Variants in CABP7 observed in about 807,000 individuals in gnomAD.
CABP7 encodes calcium-binding protein 7.
Under a neutral mutation model 23.1 loss-of-function variants are expected in CABP7, and 13 were observed. The ratio of observed to expected loss-of-function variants is 0.56; its 90% CI spans 0.37 to 0.90. The LOEUF is 0.90. Among genes scored for constraint, CABP7 ranks in the 40% least tolerant of loss-of-function variants. The probability of loss-of-function intolerance (pLI) is 0.01; values close to 1 mark genes in which losing one functional copy is unlikely to be tolerated. For synonymous variants in CABP7, 123 were observed against 115.3 expected, an observed-to-expected ratio of 1.07 and a Z score of -0.43; for missense variants, 248 against 295.6, an observed-to-expected ratio of 0.84 and a Z score of 1.18.
intron 1 of CABP7, among the ~76,000 whole-genome samples, chr22:29,721,874 C>T (rs988962319): frequency 4.0e-5 from 6 of 151,806 alleles, no homozygotes; most frequent in Non-Finnish European, 8.8e-5. Context: ...ATGATTGGGG[C>T]CCCCCGACAT....
At chr22:29,728,813 T>C in intron 3 of CABP7, 71 bp downstream of exon 3, 1 of 1,217,884 alleles carries the variant, frequency 8.2e-7, no homozygotes, top group South Asian at 1.2e-5. Context: ...AGTGAATGGC[T>C]GGGCCCACAC....
chr22:29,729,653 C>CCAGGGAGCCGGCCAA lies in CABP7; in HGVS notation c.*84_*85insCAGGGAGCCGGCCAA. The CCAGGGAGCCGGCCAA allele has an allele frequency of 6.5e-7, 1 of 1,545,932 alleles. No individual in the cohort carries two copies. Among genetic ancestry groups the CCAGGGAGCCGGCCAA allele is most frequent in the Non-Finnish European group, 8.7e-7 (1 of 1,145,026 alleles). Reference sequence around the variant, plus strand: ...GCCGCCTGCAGACCTCTCCCTTGGCCGGCTCCCTGGGCCGCCATCTGCGTG... The same window carrying CCAGGGAGCCGGCCAA: ...GCCGCCTGCAGACCTCTCCCTTGGCCCAGGGAGCCGGCCAAGGCTCCCTGGGCCGCCATCTGCGTG... On this transcript the variant is annotated 3_prime_UTR_variant, in exon 5 of 5. Transcript: ENST00000216144.
intron 3 of CABP7, 64 bp downstream of exon 3, chr22:29,728,806 G>C (rs2067814578): frequency 7.2e-6 from 9 of 1,243,202 alleles, no homozygotes; most frequent in African/African-American, 1.5e-5. Context: ...TGGAGCCAGT[G>C]AATGGCTGGG....
chr22:29,722,829 C>G (rs1256039184), intron 1 of CABP7, among the ~76,000 whole-genome samples: 1 of 152,216 alleles, frequency 6.6e-6, no homozygotes, highest in South Asian at 2.1e-4. Flanking sequence ...CTGGGCAGCC[C>G]GGGATGGAAT....
intron 3 of CABP7, 128 bp from the exon 4 acceptor site, chr22:29,728,927 G>A: frequency 7.8e-7 from 1 of 1,283,588 alleles, no homozygotes. Context: ...AGGACTCTCT[G>A]GGGGAATGGA....
In CABP7 at chr22:29,729,672, C is replaced by CT; in HGVS notation, c.*104dup. 1 of 1,447,332 alleles carries CT rather than the reference C, an allele frequency of 6.9e-7. No individual in the cohort carries two copies. Among genetic ancestry groups the CT allele is most frequent in the South Asian group, 1.2e-5 (1 of 80,070 alleles). 89.7% of individuals were successfully genotyped at this position (1,447,332 alleles called of 1,614,324 possible). A position where few individuals can be genotyped will look rare whatever the true frequency, so the allele number is the denominator to read the frequency against. ...CTTGGCCGGCTCCCTGGGCCGCCATCTGCGTGTACTTCAGGGCCTGGGTAT... is the reference window on the plus strand; with the variant it reads ...CTTGGCCGGCTCCCTGGGCCGCCATCTTGCGTGTACTTCAGGGCCTGGGTAT... On this transcript the variant is annotated 3_prime_UTR_variant, in exon 5 of 5. Transcript: ENST00000216144.
rs576053630 is a variant in CABP7 at position 29,727,375 on chromosome 22, G to A, written c.110-287G>A. On this transcript the variant is annotated intron_variant, in intron 1 of 4. Coordinates refer to ENST00000216144, the MANE Select transcript of CABP7 (RefSeq NM_182527.3). The surrounding 1 kb of genome is among the most constrained non-coding windows in gnomAD (Gnocchi z 4.2). ...CACGTGGTCCCCACCACACGGGGTC[G>A]TTGTGAGCACACCAGGAGAGGCTGT... 9.8e-5 allele frequency among the ~76,000 whole-genome samples: 15 copies of A among 152,350 alleles called. No individual in the cohort carries two copies. The highest frequency in any genetic ancestry group is 1.6e-4 in the Non-Finnish European group (11 of 68,036).
chr22:29,724,635 G>A (rs918073651), intron 1 of CABP7, among the ~76,000 whole-genome samples: 2 of 152,176 alleles, frequency 1.3e-5, no homozygotes, highest in Admixed American at 1.3e-4. Flanking sequence ...GTGGGAGTCG[G>A]CTGGGGCAGG....
rs762182323 is a variant in CABP7, at chr22:29,731,262, C to T, written c.*1693C>T. On this transcript the variant is annotated 3_prime_UTR_variant, in exon 5 of 5. Coordinates refer to ENST00000216144, the MANE Select transcript of CABP7 (RefSeq NM_182527.3). ...GACTCTGGGCTGCAGAGGCCACCCC[C>T]CAGGTGGGGGTGCCCGCAGGGATGG... is the stretch of plus-strand genomic sequence containing the variant. 1.3e-6 allele frequency: 2 copies of T among 1,518,176 alleles called. No homozygotes were observed. Among genetic ancestry groups the T allele is most frequent in the Non-Finnish European group, 1.7e-6 (2 of 1,146,672 alleles). 94.0% of individuals were successfully genotyped at this position (1,518,176 alleles called of 1,614,324 possible).
chr22:29,722,570 CAAG>C (rs1266237038), intron 1 of CABP7, among the ~76,000 whole-genome samples: 1 of 152,252 alleles, frequency 6.6e-6, no homozygotes, highest in Non-Finnish European at 1.5e-5. Flanking sequence ...CAGATGAAGG[CAAG>C]AAGTTTTCCA....
Position 29,727,608 on chromosome 22 carries a change from G to A in CABP7, c.110-54G>A. 13 of 1,608,282 alleles carry A rather than the reference G, an allele frequency of 8.1e-6. No individual in the cohort carries two copies. Among genetic ancestry groups the A allele is most frequent in the South Asian group, 2.2e-5 (2 of 90,774 alleles). On this transcript the variant is annotated intron_variant, in intron 1 of 4. Transcript: ENST00000216144. This position sits in a 1 kb window ranked among gnomAD's most constrained non-coding sequence, Gnocchi z 4.2. ...GTCGGTGATCCTGGGGGTCTGGAAA[G>A]GGGGTCTGTTGGGGACCGGGGTGAA...
At position 29,726,137 on chromosome 22, in the gene CABP7, G is replaced by C. The variant is rs117129986; in HGVS notation, c.110-1525G>C. Among the ~76,000 whole-genome samples, 5 of 152,234 alleles carry C rather than the reference G, an allele frequency of 3.3e-5. No individual in the cohort carries two copies. The South Asian group carries it at 1.0e-3, about 32-fold the overall frequency. On this transcript the variant is annotated intron_variant, in intron 1 of 4. Transcript: ENST00000216144. ...GCCCCGGGGCCATTGGTTAGGAGAC[G>C]AGATTCCCAGGTCCTGGTGGGATGA...
In CABP7 at chr22:29,720,190, C is replaced by A. The variant is rs2067748640; in HGVS notation, c.-235C>A. 6.8e-6 allele frequency: 1 copy of A among 146,604 alleles called. No homozygotes were observed. The highest frequency in any genetic ancestry group is 2.5e-5 in the African/African-American group (1 of 40,802). 9.1% of individuals were successfully genotyped at this position (146,604 alleles called of 1,614,324 possible). Reference sequence around the variant, plus strand: ...GGAAAGGCCAGAGCGGCGCCGCCCCCGCTGCCCCTGCGGGGCCCCGGCTGG... The same window carrying A: ...GGAAAGGCCAGAGCGGCGCCGCCCCAGCTGCCCCTGCGGGGCCCCGGCTGG... On this transcript the variant is annotated 5_prime_UTR_variant, in exon 1 of 5. Transcript: ENST00000216144. The surrounding 1 kb of genome is among the most constrained non-coding windows in gnomAD (Gnocchi z 5.2).
At chr22:29,723,225 G>A (rs759120766) in intron 1 of CABP7, among the ~76,000 whole-genome samples, 12 of 152,264 alleles carry the variant, frequency 7.9e-5, no homozygotes, top group Non-Finnish European at 1.5e-4. Flanking sequence ...GGGAGAGCTG[G>A]GTGGAAAAGG....
At chr22:29,724,215 C>T (rs1393606036) in intron 1 of CABP7, among the ~76,000 whole-genome samples, 2 of 152,198 alleles carry the variant, frequency 1.3e-5, no homozygotes, top group Admixed American at 1.3e-4. Flanking sequence ...GGAGTCGCTC[C>T]CCATTTCACA....
intron 1 of CABP7, among the ~76,000 whole-genome samples, chr22:29,723,356 G>A (rs1482800013): frequency 6.6e-6 from 1 of 152,150 alleles, no homozygotes; most frequent in Non-Finnish European, 1.5e-5. Context: ...GCCCTGTGAG[G>A]GACAGGCACG....
rs953965791 is a variant in CABP7 at position 29,731,718 on chromosome 22, G to A, written c.*2149G>A. 5.1e-6 allele frequency: 1 copy of A among 197,950 alleles called. No homozygotes were observed. The highest frequency in any genetic ancestry group is 1.0e-5 in the Non-Finnish European group (1 of 99,742). The allele number at this position is 197,950 out of a possible 1,614,324, so 12.3% of individuals were successfully genotyped here. ...ATGCACTGATGAGGAAAGACATACT[G>A]TGTGATAGGGAGAAAAAGCAGCTTA... On this transcript the variant is annotated 3_prime_UTR_variant, in exon 5 of 5. Coordinates refer to ENST00000216144, the MANE Select transcript of CABP7 (RefSeq NM_182527.3).
intron 4 of CABP7, 104 bp from the exon 5 acceptor site, chr22:29,729,338 G>A (rs2067820775): frequency 3.2e-6 from 5 of 1,568,538 alleles, no homozygotes; most frequent in Non-Finnish European, 3.5e-6. Flanking sequence ...TCCCATTGGG[G>A]CACCCCATGG....
chr22:29,722,940 G>A (rs904004888), intron 1 of CABP7, among the ~76,000 whole-genome samples: 2 of 152,236 alleles, frequency 1.3e-5, no homozygotes, highest in Non-Finnish European at 2.9e-5. Context: ...GTTAAGATGA[G>A]GGCTTCCCAG....
Sources: gnomAD v4.1 joint callset for allele counts (sites outside exome capture counted in the v4.1 genomes callset) on GRCh38, gnomAD v4.1.1 for gene constraint, Gnocchi (gnomAD v3.1) non-coding constraint, MANE v1.5 for transcripts, NCBI Gene and HGNC (gene_info 2026-07-23, HGNC 2026-07-21) for gene names.